Variants in NR2C1 observed in about 807,000 individuals in gnomAD.
NR2C1 encodes the protein TR2 nuclear hormone receptor.
Under a neutral mutation model 74.8 loss-of-function variants are expected in NR2C1, and 33 were observed. The ratio of observed to expected loss-of-function variants is 0.44; its 90% CI spans 0.33 to 0.59. The LOEUF (loss-of-function observed/expected upper bound fraction) is 0.59. Among genes scored for constraint, NR2C1 ranks in the 20% least tolerant of loss-of-function variants. NR2C1 has a pLI of 0.02. For missense variants in NR2C1, 568 were observed against 715.6 expected, an observed-to-expected ratio of 0.79 and a Z score of 2.35; for synonymous variants, 225 against 240.6, an observed-to-expected ratio of 0.94 and a Z score of 0.60.
chr12:95,025,412 A>G (rs1869233286), intron 12 of NR2C1, 157 bp from the exon 13 acceptor site: 1 of 475,902 alleles, frequency 2.1e-6, no homozygotes, highest in Non-Finnish European at 3.7e-6. Flanking sequence ...TAATCCTAGC[A>G]CTTTGGGAGG....
Position 95,031,475 on chromosome 12 carries a change from T to G in NR2C1, c.1267A>C (p.Ile423Leu), listed in dbSNP as rs765528588. 10 of 1,593,036 alleles carry G rather than the reference T, an allele frequency of 6.3e-6. No homozygotes were observed. The highest frequency in any genetic ancestry group is 5.5e-5 in the Admixed American group (3 of 55,028). Residue 423 changes from isoleucine (I) to leucine (L), a missense_variant, in exon 11 of 14, where the codon ATA becomes CTA. By Grantham distance (5) the Ile-to-Leu change is conservative (BLOSUM62 2). This residue lies in a region of NR2C1 where 39 missense variants were observed against 64.6 expected (regional missense o/e 0.60). Transcript: ENST00000333003. Reference protein sequence around the residue: ...SFQALGQENSISLVKAYWNEL... With the variant: ...SFQALGQENSLSLVKAYWNEL... ...TTCCAGTAAGCTTTCACCAGTGATA[T>G]GCTGTTTTCTTGCCTATTAAAAACA...
At chr12:95,045,961 T>A (rs1216898839) in intron 9 of NR2C1, among the ~76,000 whole-genome samples, 5 of 152,102 alleles carry the variant, frequency 3.3e-5, no homozygotes, top group Non-Finnish European at 7.4e-5. Flanking sequence ...TGCCTCAGCC[T>A]CCTGAGTAGC....
chr12:95,058,802 A>T (rs998660104), intron 4 of NR2C1, among the ~76,000 whole-genome samples: 26 of 150,510 alleles, frequency 1.7e-4, no homozygotes, highest in Admixed American at 6.6e-4. Context: ...TTTTATTATT[A>T]TTTTTTTTTG....
At chr12:95,032,179 T>C (rs1347196346) in intron 10 of NR2C1, among the ~76,000 whole-genome samples, 2 of 152,202 alleles carry the variant, frequency 1.3e-5, no homozygotes, top group Admixed American at 6.5e-5. Context: ...CTAGAATTAT[T>C]TTATAGTAGG....
chr12:95,060,484 T>C (rs1874628405), intron 3 of NR2C1, among the ~76,000 whole-genome samples: 1 of 152,178 alleles, frequency 6.6e-6, no homozygotes, highest in Non-Finnish European at 1.5e-5. Flanking sequence ...TGAAACCCTG[T>C]CTGTACTAAA....
At chr12:95,069,216 G>A (rs912609331) in intron 1 of NR2C1, among the ~76,000 whole-genome samples, 1 of 152,162 alleles carries the variant, frequency 6.6e-6, no homozygotes, top group Non-Finnish European at 1.5e-5. Flanking sequence ...GTGTATTGGT[G>A]CATTAGACTC....
At position 95,031,313 on chromosome 12, in the gene NR2C1, C is replaced by A. The variant is rs749056765; in HGVS notation, c.1393+36G>T. The A allele has an allele frequency of 3.3e-5, 49 of 1,498,482 alleles. No homozygotes were observed. The Admixed American group carries it at 1.1e-3, about 35-fold the overall frequency. 92.8% of individuals were successfully genotyped at this position (1,498,482 alleles called of 1,614,324 possible). On this transcript the variant is annotated intron_variant, in intron 11 of 13. Coordinates refer to ENST00000333003, the MANE Select transcript of NR2C1 (RefSeq NM_003297.4). ...CATTTAATGAAACTCATGCCTCCTC[C>A]TACAACCTGGAAAAGGTAAGGAAGG...
At chr12:95,063,308 A>G (rs1404400157) in intron 2 of NR2C1, among the ~76,000 whole-genome samples, 4 of 152,212 alleles carry the variant, frequency 2.6e-5, no homozygotes, top group African/African-American at 9.7e-5. Context: ...AACAGAGCAT[A>G]TAAGTAGGTC....
At chr12:95,054,842 C>G (rs893714105) in intron 7 of NR2C1, among the ~76,000 whole-genome samples, 1 of 151,822 alleles carries the variant, frequency 6.6e-6, no homozygotes, top group African/African-American at 2.4e-5. Context: ...AGTGGAGGGA[C>G]GGTCAGCAGA....
At chr12:95,028,151 T>C in intron 12 of NR2C1, 1 of 366,630 alleles carries the variant, frequency 2.7e-6, no homozygotes, top group South Asian at 4.7e-5. Context: ...ATAATGCTGC[T>C]ATGACTATTT....
chr12:95,045,839 C>A (rs2136140579), intron 9 of NR2C1, among the ~76,000 whole-genome samples: 1 of 151,852 alleles, frequency 6.6e-6, no homozygotes, highest in East Asian at 1.9e-4. Flanking sequence ...TAATAAAAAT[C>A]TTTTTCTTTT....
chr12:95,032,216 G>A (rs376568050), intron 10 of NR2C1, among the ~76,000 whole-genome samples: 2 of 152,172 alleles, frequency 1.3e-5, no homozygotes, highest in African/African-American at 4.8e-5. Context: ...GGAGAAAAAT[G>A]GTTCATTGTA....
rs112695966 is a variant in NR2C1, at chr12:95,037,820, G to A, written c.1253+2656C>T. Among the ~76,000 whole-genome samples the A allele has an allele frequency of 3.2e-3, 478 of 151,432 alleles. 2 individuals are homozygous for A. The highest frequency in any genetic ancestry group is 0.011 in the African/African-American group (446 of 41,240). ...TGAGGCAGGAGAATGGCCTGAACCC[G>A]GGAGGCGGAGCTTGCACTGAGCGGA... is the stretch of plus-strand genomic sequence containing the variant. On this transcript the variant is annotated intron_variant, in intron 10 of 13. Transcript: ENST00000333003.
At chr12:95,035,921 T>G (rs1310590268) in intron 10 of NR2C1, among the ~76,000 whole-genome samples, 1 of 152,244 alleles carries the variant, frequency 6.6e-6, no homozygotes, top group Non-Finnish European at 1.5e-5. Context: ...ATGAAGTGTT[T>G]CTGCTCCCAA....
intron 13 of NR2C1, among the ~76,000 whole-genome samples, chr12:95,024,291 CAT>C (rs1464864957): frequency 6.6e-6 from 1 of 152,094 alleles, no homozygotes; most frequent in African/African-American, 2.4e-5. Flanking sequence ...AAGCACTGTA[CAT>C]ATATTAACTG....
At chr12:95,024,478 G>C (rs2136088007) in intron 13 of NR2C1, among the ~76,000 whole-genome samples, 1 of 152,250 alleles carries the variant, frequency 6.6e-6, no homozygotes, top group South Asian at 2.1e-4. Context: ...CCTCTTTAAA[G>C]AAAGTGGCTC....
intron 10 of NR2C1, among the ~76,000 whole-genome samples, chr12:95,033,876 GC>G (rs1387701659): frequency 2.6e-5 from 4 of 152,132 alleles, no homozygotes; most frequent in African/African-American, 9.7e-5. Context: ...AGAGCTGTGG[GC>G]CCTTTTACAA....
chr12:95,029,867 C>T (rs1018780813), intron 11 of NR2C1, among the ~76,000 whole-genome samples: 1 of 151,994 alleles, frequency 6.6e-6, no homozygotes, highest in African/African-American at 2.4e-5. Flanking sequence ...CCCCCCTCCC[C>T]ACCCTTTTTA....
chr12:95,041,518 A>G (rs1403689981), intron 9 of NR2C1, among the ~76,000 whole-genome samples: 1 of 152,064 alleles, frequency 6.6e-6, no homozygotes, highest in African/African-American at 2.4e-5. Flanking sequence ...AACTGGCACT[A>G]AATAAAAAAA....
Sources: gnomAD v4.1 joint callset for allele counts (sites outside exome capture counted in the v4.1 genomes callset) on GRCh38, gnomAD v4.1.1 for gene constraint, gnomAD v4.1.1 regional missense constraint, MANE v1.5 for transcripts, NCBI Gene and HGNC (gene_info 2026-07-23, HGNC 2026-07-21) for gene names.